Variants in ADGRL2 observed in about 807,000 individuals in gnomAD.
ADGRL2 encodes the protein adhesion G protein-coupled receptor L2, also known as calcium-independent alpha-latrotoxin receptor 2.
A neutral mutation model predicts 157.4 loss-of-function variants in ADGRL2; 44 were observed. The ratio of observed to expected loss-of-function variants is 0.28; its 90% CI spans 0.22 to 0.36. The LOEUF (loss-of-function observed/expected upper bound fraction) is 0.36. Ranked by LOEUF, ADGRL2 falls within the 10% of genes least tolerant of loss-of-function variation. The pLI is 1.00. For synonymous variants in ADGRL2, 585 were observed against 624.7 expected (o/e 0.94, Z 0.95); for missense variants, 1,510 against 1,768.9 (o/e 0.85, Z 2.63).
chr1:81,478,386 A>G (rs111620896), intron 2 of ADGRL2, among the ~76,000 whole-genome samples: 2,228 of 152,276 alleles, frequency 0.015, 25 homozygotes, highest in Non-Finnish European at 0.022. Context: ...GCACCTCATC[A>G]CTTTCAGTTT....
At chr1:81,802,438 C>G (rs775288125) in intron 1 of ADGRL2, among the ~76,000 whole-genome samples, 4 of 152,206 alleles carry the variant, frequency 2.6e-5, no homozygotes, top group Admixed American at 1.3e-4. Context: ...GGAAATCGAT[C>G]CGCAGAACTC....
intron 1 of ADGRL2, chr1:81,722,900 C>A (rs1276836740): frequency 2.7e-6 from 2 of 727,680 alleles, no homozygotes; most frequent in Admixed American, 1.8e-5. Flanking sequence ...AATGCCTGGA[C>A]TCAATGAAAT....
chr1:81,433,914 A>T (rs1276616069), intron 1 of ADGRL2, among the ~76,000 whole-genome samples: 1 of 152,194 alleles, frequency 6.6e-6, no homozygotes, highest in African/African-American at 2.4e-5. Flanking sequence ...GTTGTAGGCT[A>T]GAAGCTGTGT....
chr1:81,550,813 T>C (rs1364111754), intron 2 of ADGRL2, among the ~76,000 whole-genome samples: 1 of 150,756 alleles, frequency 6.6e-6, no homozygotes, highest in African/African-American at 2.4e-5. Flanking sequence ...CTTTCCGTTC[T>C]ACCCTCTTTA....
At chr1:81,527,959 C>T (rs2079503770) in intron 2 of ADGRL2, among the ~76,000 whole-genome samples, 1 of 151,762 alleles carries the variant, frequency 6.6e-6, no homozygotes, top group African/African-American at 2.4e-5. Flanking sequence ...CCCAGCTACT[C>T]GGGGGGCTGA....
intron 2 of ADGRL2, among the ~76,000 whole-genome samples, chr1:81,529,868 G>A (rs527876576): frequency 6.6e-6 from 1 of 152,322 alleles, no homozygotes; most frequent in South Asian, 2.1e-4. Context: ...TTACTGTATG[G>A]AAGTAGTTAA....
At position 81,943,932 on chromosome 1, in the gene ADGRL2, T is replaced by C. The variant is rs1648911039; in HGVS notation, c.1210+163T>C. On this transcript the variant is annotated intron_variant, in intron 6 of 23. Coordinates refer to ENST00000686636, the MANE Select transcript of ADGRL2 (RefSeq NM_001366006.2). This position sits in a 1 kb window ranked among gnomAD's most constrained non-coding sequence, Gnocchi z 5.6. ...AGCCTTATTATGGTTCGTTTTCTTT[T>C]TCTCAATTTCTTCATTTTAATGTTG... 6.6e-6 allele frequency among the ~76,000 whole-genome samples: 1 copy of C among 152,092 alleles called. No individual in the cohort carries two copies. Among genetic ancestry groups the C allele is most frequent in the African/African-American group, 2.4e-5 (1 of 41,456 alleles).
intron 2 of ADGRL2, among the ~76,000 whole-genome samples, chr1:81,896,293 G>A (rs1249765047): frequency 6.8e-6 from 1 of 148,120 alleles, no homozygotes; most frequent in African/African-American, 2.4e-5. Context: ...TGTTAAACTG[G>A]TTTTAACTAG....
intron 2 of ADGRL2, among the ~76,000 whole-genome samples, chr1:81,840,053 T>C (rs973148625): frequency 6.9e-5 from 10 of 144,744 alleles, no homozygotes; most frequent in Admixed American, 2.1e-4. Context: ...GCTGTAACCA[T>C]GCATGAAGGC....
chr1:81,504,115 C>T (rs955326185), intron 2 of ADGRL2, among the ~76,000 whole-genome samples: 3 of 152,222 alleles, frequency 2.0e-5, no homozygotes, highest in African/African-American at 7.2e-5. Flanking sequence ...CCAGGGCCCA[C>T]AGGGCATCTG....
intron 3 of ADGRL2, among the ~76,000 whole-genome samples, chr1:81,933,688 C>CG (rs1408793658): frequency 6.6e-6 from 1 of 152,142 alleles, no homozygotes; most frequent in Admixed American, 6.5e-5. Context: ...TAATAGCTCA[C>CG]GTTGGGTGTT....
upstream of ADGRL2, among the ~76,000 whole-genome samples, chr1:81,797,280 T>C (rs1162191047): frequency 6.6e-6 from 1 of 152,232 alleles, no homozygotes; most frequent in African/African-American, 2.4e-5. Flanking sequence ...TGAAACAATT[T>C]TGAAACAATT....
At chr1:81,497,583 G>A (rs1042294795) in intron 2 of ADGRL2, among the ~76,000 whole-genome samples, 6 of 152,104 alleles carry the variant, frequency 3.9e-5, no homozygotes, top group Non-Finnish European at 7.4e-5. Flanking sequence ...ACAATTTTAT[G>A]TTGTGATATA....
intron 1 of ADGRL2, among the ~76,000 whole-genome samples, chr1:81,806,149 C>G (rs879810662): frequency 1.3e-5 from 2 of 151,960 alleles, no homozygotes; most frequent in African/African-American, 2.4e-5. Context: ...TAGAACAAAC[C>G]AATTACTTCA....
chr1:81,524,352 C>G (rs12037682), intron 2 of ADGRL2, among the ~76,000 whole-genome samples: 1 of 151,984 alleles, frequency 6.6e-6, no homozygotes, highest in East Asian at 2.0e-4. Flanking sequence ...GGCAACAGAG[C>G]GAGACTCCGT....
chr1:81,324,135 G>C (rs1293754348), intron 1 of ADGRL2, among the ~76,000 whole-genome samples: 1 of 152,142 alleles, frequency 6.6e-6, no homozygotes, highest in African/African-American at 2.4e-5. Context: ...GGCTATTGTA[G>C]TGGGAAAGAC....
intron 3 of ADGRL2, among the ~76,000 whole-genome samples, chr1:81,672,512 G>C (rs895533626): frequency 4.6e-5 from 7 of 152,140 alleles, no homozygotes; most frequent in African/African-American, 1.7e-4. Flanking sequence ...TTCTTGTATT[G>C]AGAGAAATTC....
intron 3 of ADGRL2, among the ~76,000 whole-genome samples, chr1:81,582,059 A>G (rs1345329073): frequency 2.0e-5 from 3 of 151,988 alleles, no homozygotes; most frequent in South Asian, 2.1e-4. Flanking sequence ...TGTCTCTACT[A>G]AAAATACAAA....
intron 17 of ADGRL2, among the ~76,000 whole-genome samples, chr1:81,974,336 G>C (rs1323154073): frequency 6.6e-6 from 1 of 152,152 alleles, no homozygotes; most frequent in Non-Finnish European, 1.5e-5. Flanking sequence ...ATGAAAGCTT[G>C]GATCATGACA....
Sources: allele counts gnomAD v4.1 joint callset (sites outside exome capture counted in the v4.1 genomes callset), GRCh38; gene constraint gnomAD v4.1.1; non-coding constraint Gnocchi (gnomAD v3.1); transcripts MANE v1.5; gene names NCBI Gene and HGNC (gene_info 2026-07-23, HGNC 2026-07-21).